Variants in MBD5 observed in about 807,000 individuals in gnomAD.
The protein encoded by MBD5 is methyl-CpG binding domain protein 5.
MBD5 carries 13 observed loss-of-function variants against 117.3 expected under a neutral mutation model. That is an observed-to-expected ratio of 0.11 (90% confidence interval 0.07 to 0.18). The LOEUF is 0.18. Ranked by LOEUF, MBD5 falls within the 10% of genes least tolerant of loss-of-function variation. The pLI, the probability that MBD5 is intolerant of heterozygous loss-of-function variation, is 1.00. For synonymous variants in MBD5, 727 were observed against 766.4 expected (o/e 0.95, Z 0.85); for missense variants, 1,879 against 2,093.8 (o/e 0.90, Z 2.00).
At chr2:148,415,107 C>A (rs1185680878) in intron 4 of MBD5, among the ~76,000 whole-genome samples, 21 of 152,100 alleles carry the variant, frequency 1.4e-4, no homozygotes, top group South Asian at 4.1e-4. Flanking sequence ...CCAGTAACAG[C>A]CTTACCTTTC....
intron 4 of MBD5, among the ~76,000 whole-genome samples, chr2:148,447,202 A>AGAAAGAAAGAAG (rs1559075670): frequency 6.2e-4 from 7 of 11,264 alleles, no homozygotes; most frequent in African/African-American, 7.0e-4. Context: ...AAAGAAAGAA[A>AGAAAGAAAGAAG]GAAAGAAAGA....
At chr2:148,264,353 A>G (rs959140982) in intron 3 of MBD5, 1 of 152,548 alleles carries the variant, frequency 6.6e-6, no homozygotes, top group Non-Finnish European at 1.5e-5. Context: ...AATAATTTAC[A>G]GATGAAGAAA....
At chr2:148,440,624 G>A (rs554929301) in intron 4 of MBD5, among the ~76,000 whole-genome samples, 8 of 152,288 alleles carry the variant, frequency 5.3e-5, no homozygotes, top group Middle Eastern at 3.4e-3. Flanking sequence ...AGAAAAATGA[G>A]TAATTAAACT....
chr2:148,490,896 A>T (rs1418965316), intron 11 of MBD5: 4 of 393,616 alleles, frequency 1.0e-5, no homozygotes, highest in African/African-American at 6.1e-5. Context: ...ACAGTTACCT[A>T]GTTCTTCATT....
chr2:148,479,471 C>T (rs1681076259), intron 8 of MBD5, among the ~76,000 whole-genome samples: 2 of 152,078 alleles, frequency 1.3e-5, no homozygotes, highest in African/African-American at 4.8e-5. Flanking sequence ...TTTTTGAATA[C>T]CGATCATGTG....
intron 2 of MBD5, among the ~76,000 whole-genome samples, chr2:148,179,399 C>T (rs547262985): frequency 1.3e-5 from 2 of 150,160 alleles, no homozygotes; most frequent in South Asian, 2.1e-4. Flanking sequence ...GTGAATACAA[C>T]TCAGCAGAAT....
intron 1 of MBD5, among the ~76,000 whole-genome samples, chr2:148,029,347 A>G (rs546577701): frequency 6.6e-6 from 1 of 152,240 alleles, no homozygotes; most frequent in African/African-American, 2.4e-5. Flanking sequence ...TTTGAAATTA[A>G]TGAATTCTGT....
chr2:148,458,884 T>C lies in MBD5; in HGVS notation c.113+13T>C. ...TGCTTTATGTCAGGTAAGTTCTTAT[T>C]ATTACCTGTGGTACCTGCAAAGTTG... On this transcript the variant is annotated intron_variant, in intron 5 of 13. Transcript: ENST00000642680. The C allele has an allele frequency of 6.3e-7, 1 of 1,595,156 alleles. No individual in the cohort carries two copies. Among genetic ancestry groups the C allele is most frequent in the Non-Finnish European group, 8.6e-7 (1 of 1,163,042 alleles).
intron 4 of MBD5, among the ~76,000 whole-genome samples, chr2:148,400,451 T>G (rs2105081466): frequency 6.6e-6 from 1 of 152,316 alleles, no homozygotes. Context: ...CCTTATTCAC[T>G]GACATAATCA....
intron 3 of MBD5, among the ~76,000 whole-genome samples, chr2:148,334,308 A>C (rs1702732551): frequency 6.6e-6 from 1 of 151,216 alleles, no homozygotes; most frequent in African/African-American, 2.4e-5. Context: ...ACTGTCACTC[A>C]TCTCTCATTC....
Position 148,458,685 on chromosome 2 carries a change from G to C in MBD5, c.-74G>C. ...GTGCTGCACTGGCCCACTTTTGAAGGCCATCATGCTCTGTAATATAAGGAT... is the reference window on the plus strand; with the variant it reads ...GTGCTGCACTGGCCCACTTTTGAAGCCCATCATGCTCTGTAATATAAGGAT... On this transcript the variant is annotated 5_prime_UTR_variant, in exon 5 of 14. Transcript: ENST00000642680. 1 of 1,313,688 alleles carries C rather than the reference G, an allele frequency of 7.6e-7. No individual in the cohort carries two copies. The highest frequency in any genetic ancestry group is 1.1e-6 in the Non-Finnish European group (1 of 908,186). The allele number at this position is 1,313,688 out of a possible 1,614,324, so 81.4% of individuals were successfully genotyped here.
intron 1 of MBD5, among the ~76,000 whole-genome samples, chr2:148,147,293 A>G (rs1447943124): frequency 1.3e-5 from 2 of 150,880 alleles, no homozygotes; most frequent in East Asian, 3.9e-4. Context: ...CCCAGGCTGG[A>G]GTGCAGTGGG....
At chr2:148,494,548 T>C (rs1681636402) in intron 11 of MBD5, among the ~76,000 whole-genome samples, 1 of 152,220 alleles carries the variant, frequency 6.6e-6, no homozygotes, top group East Asian at 1.9e-4. Context: ...TATGTATTAC[T>C]TTCCTAAGAT....
intron 2 of MBD5, among the ~76,000 whole-genome samples, chr2:148,205,591 G>A (rs1699257511): frequency 1.3e-5 from 2 of 151,934 alleles, no homozygotes; most frequent in Admixed American, 6.6e-5. Context: ...ACAGAAATAA[G>A]GACAGATATA....
At chr2:148,263,709 G>A (rs1359699315) in intron 3 of MBD5, among the ~76,000 whole-genome samples, 1 of 152,172 alleles carries the variant, frequency 6.6e-6, no homozygotes, top group Non-Finnish European at 1.5e-5. Context: ...ACAATTAAGG[G>A]AGAAGACAAA....
intron 4 of MBD5, among the ~76,000 whole-genome samples, chr2:148,411,419 C>T (rs1705245473): frequency 6.6e-6 from 1 of 151,882 alleles, no homozygotes; most frequent in Non-Finnish European, 1.5e-5. Flanking sequence ...TGAGAAGTCA[C>T]CATACTGCTT....
intron 1 of MBD5, among the ~76,000 whole-genome samples, chr2:148,102,588 T>C (rs1475927812): frequency 6.6e-6 from 1 of 151,944 alleles, no homozygotes; most frequent in East Asian, 1.9e-4. Flanking sequence ...TATTGGTTGC[T>C]TTTCTGTAAT....
chr2:148,324,323 C>G (rs1240561693), intron 3 of MBD5, among the ~76,000 whole-genome samples: 3 of 151,930 alleles, frequency 2.0e-5, no homozygotes, highest in Admixed American at 2.0e-4. Flanking sequence ...CTTGCCGGCT[C>G]TTTTGTGGTT....
chr2:148,206,144 G>GACAC (rs909735700), intron 2 of MBD5, among the ~76,000 whole-genome samples: 21 of 150,810 alleles, frequency 1.4e-4, no homozygotes, highest in African/African-American at 4.9e-4. Flanking sequence ...AAAATAGAGA[G>GACAC]ACACACACAC....
Sources: gnomAD v4.1 joint callset for allele counts (sites outside exome capture counted in the v4.1 genomes callset) on GRCh38, gnomAD v4.1.1 for gene constraint, MANE v1.5 for transcripts, NCBI Gene and HGNC (gene_info 2026-07-23, HGNC 2026-07-21) for gene names.